DSC3: variants seen among roughly 807,000 people sequenced by gnomAD.
DSC3 encodes the protein desmocollin-3.
Under a neutral mutation model 89.5 loss-of-function variants are expected in DSC3, and 97 were observed. The observed-to-expected ratio is 1.08, with a 90% CI of 0.92 to 1.28. The LOEUF is 1.28. Among genes scored for constraint, DSC3 ranks in the 50% most tolerant of loss-of-function variants. The pLI is 0.00. For synonymous variants in DSC3, 436 were observed against 384.1 expected (o/e 1.14, Z -1.58); for missense variants, 1,199 against 1,085.3 (o/e 1.10, Z -1.47).
chr18:31,029,443 A>G, intron 4 of DSC3, 66 bp downstream of exon 4: 1 of 1,584,998 alleles, frequency 6.3e-7, no homozygotes, highest in East Asian at 2.2e-5. Context: ...TTAAAGAGGT[A>G]TTAAATCTCA....
At chr18:31,029,862 A>C (rs113337261) in intron 3 of DSC3, among the ~76,000 whole-genome samples, 63 of 152,318 alleles carry the variant, frequency 4.1e-4, no homozygotes, top group African/African-American at 1.4e-3. Flanking sequence ...TACCATTCTA[A>C]CACTGACTAT....
chr18:30,992,990 G>A lies in DSC3; in HGVS notation c.*1185C>T, dbSNP rs1984324424. The A allele has an allele frequency of 6.6e-6, 1 of 152,174 alleles. No individual in the cohort carries two copies. The highest frequency in any genetic ancestry group is 1.5e-5 in the Non-Finnish European group (1 of 68,046). 9.4% of individuals were successfully genotyped at this position (152,174 alleles called of 1,614,324 possible). Reference sequence around the variant, plus strand: ...AGACCTGATCAGGTGTCAAGTTTGTGGGGCTTAGGTTTAAGGACAATCAAT... The same window carrying A: ...AGACCTGATCAGGTGTCAAGTTTGTAGGGCTTAGGTTTAAGGACAATCAAT... On this transcript the variant is annotated 3_prime_UTR_variant, in exon 16 of 16. Coordinates refer to ENST00000360428, the MANE Select transcript of DSC3 (RefSeq NM_001941.5).
intron 9 of DSC3, among the ~76,000 whole-genome samples, chr18:31,009,802 G>T (rs1984995498): frequency 6.6e-6 from 1 of 152,168 alleles, no homozygotes; most frequent in South Asian, 2.1e-4. Flanking sequence ...AAGACCAAAA[G>T]ATAATCATTT....
chr18:31,019,070 G>A (rs888632108), intron 7 of DSC3, among the ~76,000 whole-genome samples: 1 of 152,150 alleles, frequency 6.6e-6, no homozygotes, highest in Admixed American at 6.5e-5. Context: ...AAGTCATAGG[G>A]GCAGCACAAA....
chr18:31,025,087 A>G (rs1985552761), intron 5 of DSC3, among the ~76,000 whole-genome samples: 1 of 152,172 alleles, frequency 6.6e-6, no homozygotes, highest in Non-Finnish European at 1.5e-5. Context: ...GGGGTACATC[A>G]GTTATGTTTG....
rs891112197 is a variant in DSC3, at chr18:30,992,305, C to G, written c.*1870G>C. ...TTTAATTCATAGACCTTCTTAGTGC[C>G]CAGAAGGAGGGCTGCAGAAGGAATA... On this transcript the variant is annotated 3_prime_UTR_variant, in exon 16 of 16. Coordinates refer to ENST00000360428, the MANE Select transcript of DSC3 (RefSeq NM_001941.5). 3 of 151,932 alleles carry G rather than the reference C, an allele frequency of 2.0e-5. No homozygotes were observed. Among genetic ancestry groups the G allele is most frequent in the Admixed American group, 1.3e-4 (2 of 15,248 alleles). 9.4% of individuals were successfully genotyped at this position (151,932 alleles called of 1,614,324 possible).
Position 31,007,109 on chromosome 18 carries a change from T to G in DSC3, c.1686A>C (p.Thr562=). The G allele has an allele frequency of 6.2e-7, 1 of 1,613,498 alleles. No individual in the cohort carries two copies. Among genetic ancestry groups the G allele is most frequent in the Non-Finnish European group, 8.5e-7 (1 of 1,179,506 alleles). ...TTACATCTTCAATGTTCACAGCAAGTGTTCCAGTACATGATCTATCATCTA... is the reference window on the plus strand; with the variant it reads ...TTACATCTTCAATGTTCACAGCAAGGGTTCCAGTACATGATCTATCATCTA... The part of the protein sequence containing the change: ...IDKDDRSCTG[T]LAVNIEDVND... Residue 562 remains threonine, a synonymous_variant, in exon 12 of 16, where the codon ACA becomes ACC. Coordinates refer to ENST00000360428, the MANE Select transcript of DSC3 (RefSeq NM_001941.5).
chr18:31,029,488 C>G (rs757849868), intron 4 of DSC3, 21 bp downstream of exon 4: 16 of 1,613,302 alleles, frequency 9.9e-6, no homozygotes, highest in Non-Finnish European at 1.1e-5. Context: ...GCAACCCTGA[C>G]CAGAAAAGGT....
chr18:31,022,680 A>T (rs948795667), intron 6 of DSC3, among the ~76,000 whole-genome samples, 178 bp from the exon 7 acceptor site: 2 of 152,244 alleles, frequency 1.3e-5, no homozygotes, highest in African/African-American at 4.8e-5. Context: ...CAAATTTATC[A>T]CACATAACAC....
chr18:31,040,255 C>T (rs1986090331), intron 1 of DSC3, among the ~76,000 whole-genome samples: 1 of 151,878 alleles, frequency 6.6e-6, no homozygotes, highest in Non-Finnish European at 1.5e-5. Context: ...AAGTATGTGC[C>T]ATTTATAATG....
chr18:30,996,748 C>T (rs1400120443), intron 15 of DSC3, 43 bp downstream of exon 15: 7 of 1,608,394 alleles, frequency 4.4e-6, no homozygotes, highest in African/African-American at 2.7e-5. Context: ...TTTCTCCATT[C>T]GGAGGTTTAA....
chr18:31,010,311 AT>A (rs1985014925), intron 9 of DSC3, among the ~76,000 whole-genome samples: 1 of 152,200 alleles, frequency 6.6e-6, no homozygotes, highest in Non-Finnish European at 1.5e-5. Context: ...TGTTTCACAC[AT>A]TTCATGTGCT....
chr18:30,998,495 G>T (rs1337661742), intron 14 of DSC3, among the ~76,000 whole-genome samples: 1 of 152,220 alleles, frequency 6.6e-6, no homozygotes, highest in Non-Finnish European at 1.5e-5. Context: ...TTGGAACTCA[G>T]ATGAGAGATT....
chr18:30,991,357 C>A lies in DSC3; in HGVS notation c.*2818G>T, dbSNP rs975507778. The A allele has an allele frequency of 1.3e-5, 2 of 152,492 alleles. No individual in the cohort carries two copies. The highest frequency in any genetic ancestry group is 4.8e-5 in the African/African-American group (2 of 41,392). The allele number at this position is 152,492 out of a possible 1,614,324, so 9.4% of individuals were successfully genotyped here. A position where few individuals can be genotyped will look rare whatever the true frequency, so the allele number is the denominator to read the frequency against. Reference sequence around the variant, plus strand: ...ATATATTTTCTTGCACACTCAAATACCATAAATTTCACCTTACACATATAA... The same window carrying A: ...ATATATTTTCTTGCACACTCAAATAACATAAATTTCACCTTACACATATAA... On this transcript the variant is annotated 3_prime_UTR_variant, in exon 16 of 16. Coordinates refer to ENST00000360428, the MANE Select transcript of DSC3 (RefSeq NM_001941.5).
At chr18:31,001,788 T>G (rs370272728) in intron 13 of DSC3, 49 bp from the exon 14 acceptor site, 3 of 1,392,520 alleles carry the variant, frequency 2.2e-6, no homozygotes, top group Admixed American at 2.1e-5. Flanking sequence ...ATACATAGAA[T>G]AAAATAATCA....
chr18:31,022,928 T>C (rs971523887), intron 6 of DSC3, among the ~76,000 whole-genome samples: 21 of 152,182 alleles, frequency 1.4e-4, no homozygotes, highest in African/African-American at 4.3e-4. Flanking sequence ...AGTAATAATA[T>C]AGATGATCAA....
chr18:31,041,251 T>G (rs1452873255), intron 1 of DSC3, among the ~76,000 whole-genome samples: 1 of 152,202 alleles, frequency 6.6e-6, no homozygotes, highest in Non-Finnish European at 1.5e-5. Context: ...AATGCATGCT[T>G]GTAAACTGAA....
intron 9 of DSC3, among the ~76,000 whole-genome samples, chr18:31,011,629 C>G (rs1278615360): frequency 6.6e-6 from 1 of 152,054 alleles, no homozygotes; most frequent in Non-Finnish European, 1.5e-5. Flanking sequence ...ATGACAGAAA[C>G]ATGGATTTTG....
intron 12 of DSC3, among the ~76,000 whole-genome samples, chr18:31,006,093 GA>G (rs1191890832): frequency 1.3e-5 from 2 of 152,130 alleles, no homozygotes; most frequent in Non-Finnish European, 2.9e-5. Flanking sequence ...ATGAAGTACA[GA>G]ACATGACAGC....
Sources: allele counts gnomAD v4.1 joint callset (sites outside exome capture counted in the v4.1 genomes callset), GRCh38; gene constraint gnomAD v4.1.1; transcripts MANE v1.5; gene names NCBI Gene and HGNC (gene_info 2026-07-23, HGNC 2026-07-21).